The following CADM2 variants were observed in gnomAD, a reference collection of about 807,000 sequenced individuals.
CADM2 encodes the protein immunoglobulin superfamily member 4D.
A neutral mutation model predicts 49.8 loss-of-function variants in CADM2; 12 were observed. The observed-to-expected ratio is 0.24, with a 90% CI of 0.15 to 0.39. The LOEUF (loss-of-function observed/expected upper bound fraction) is 0.39, where lower values mean the gene tolerates loss of function less well. Among genes scored for constraint, CADM2 ranks in the 10% least tolerant of loss-of-function variants. CADM2 has a pLI of 1.00. For synonymous variants in CADM2, 214 were observed against 175.4 expected, an observed-to-expected ratio of 1.22 and a Z score of -1.74; for missense variants, 378 against 492.3, an observed-to-expected ratio of 0.77 and a Z score of 2.20.
intron 1 of CADM2, among the ~76,000 whole-genome samples, chr3:85,510,895 GTAAT>G (rs1559877889): frequency 1.5e-4 from 15 of 99,002 alleles, no homozygotes; most frequent in Non-Finnish European, 3.2e-4. Flanking sequence ...TTAAAAATAA[GTAAT>G]GTAATGAGGG....
chr3:85,228,799 T>C (rs1035098095), intron 1 of CADM2, among the ~76,000 whole-genome samples: 1 of 151,976 alleles, frequency 6.6e-6, no homozygotes, highest in African/African-American at 2.4e-5. Flanking sequence ...TACACAGGGG[T>C]CAGGGACCCA....
At chr3:85,935,619 A>G (rs1721113877) in intron 6 of CADM2, 148 bp from the exon 7 acceptor site, 1 of 407,256 alleles carries the variant, frequency 2.5e-6, no homozygotes, top group Admixed American at 4.3e-5. Flanking sequence ...CACACACCTT[A>G]TTTTACCAAA....
intron 6 of CADM2, among the ~76,000 whole-genome samples, chr3:85,920,227 T>C (rs949845223): frequency 1.3e-5 from 2 of 151,872 alleles, no homozygotes; most frequent in Non-Finnish European, 3.0e-5. Flanking sequence ...TGGCATCTCA[T>C]TTATGAAATG....
intron 1 of CADM2, among the ~76,000 whole-genome samples, chr3:85,140,908 G>C (rs1283141326): frequency 6.6e-6 from 1 of 152,108 alleles, no homozygotes; most frequent in African/African-American, 2.4e-5. Flanking sequence ...CCTTAGGGTG[G>C]GGAACCCAGA....
chr3:85,490,899 A>T (rs1298412162), intron 1 of CADM2, among the ~76,000 whole-genome samples: 1 of 152,154 alleles, frequency 6.6e-6, no homozygotes, highest in African/African-American at 2.4e-5. Flanking sequence ...CCTGTAGAAT[A>T]AAAAATAAGA....
At chr3:85,190,263 C>T (rs2107722766) in intron 1 of CADM2, among the ~76,000 whole-genome samples, 1 of 152,188 alleles carries the variant, frequency 6.6e-6, no homozygotes, top group South Asian at 2.1e-4. Flanking sequence ...ATAGGATGTG[C>T]TTGTTCACTT....
chr3:85,212,598 T>G, intron 1 of CADM2, among the ~76,000 whole-genome samples: 1 of 152,068 alleles, frequency 6.6e-6, no homozygotes, highest in East Asian at 1.9e-4. Flanking sequence ...TAACTTCATC[T>G]CACACTTCTA....
intron 1 of CADM2, among the ~76,000 whole-genome samples, chr3:85,403,193 T>G (rs150731554): frequency 6.6e-6 from 1 of 152,268 alleles, no homozygotes; most frequent in East Asian, 1.9e-4. Context: ...TAACTATCCC[T>G]CTCATGATGA....
intron 3 of CADM2, among the ~76,000 whole-genome samples, chr3:85,847,234 C>T (rs559930152): frequency 6.6e-5 from 10 of 152,246 alleles, no homozygotes; most frequent in South Asian, 4.1e-4. Flanking sequence ...CACTAAGAGG[C>T]TTTTTATCCA....
At chr3:85,014,911 G>A (rs2034186073) in intron 1 of CADM2, among the ~76,000 whole-genome samples, 1 of 152,124 alleles carries the variant, frequency 6.6e-6, no homozygotes, top group Non-Finnish European at 1.5e-5. Flanking sequence ...GAGACATTTT[G>A]GTGCCTGCCT....
chr3:85,603,304 G>A (rs1337719242), intron 1 of CADM2, among the ~76,000 whole-genome samples: 1 of 151,866 alleles, frequency 6.6e-6, no homozygotes, highest in Non-Finnish European at 1.5e-5. Flanking sequence ...TTTTGAAGGG[G>A]AGAAGGGATA....
Position 85,347,377 on chromosome 3 carries a change from T to G in CADM2, c.62-379145T>G, listed in dbSNP as rs1466340360. ...TAAAAAAGTGATCACGTATGTATAA[T>G]TTTAAGGACAATATTGTACTTTTTA... On this transcript the variant is annotated intron_variant, in intron 1 of 9. Transcript: ENST00000383699. Among the ~76,000 whole-genome samples the G allele has an allele frequency of 1.9e-4, 28 of 149,834 alleles. No individual in the cohort carries two copies. In the Admixed American group the frequency reaches 1.9e-3, roughly 10 times the overall value.
chr3:85,794,939 G>T (rs1577326754), intron 2 of CADM2, among the ~76,000 whole-genome samples: 1 of 152,104 alleles, frequency 6.6e-6, no homozygotes, highest in African/African-American at 2.4e-5. Flanking sequence ...TTAAGGCCAA[G>T]ATTTTTAAAT....
At chr3:85,025,371 C>G (rs1000542443) in intron 1 of CADM2, among the ~76,000 whole-genome samples, 1 of 152,100 alleles carries the variant, frequency 6.6e-6, no homozygotes, top group Non-Finnish European at 1.5e-5. Context: ...TGGGTATACA[C>G]TTTATTTAAG....
At chr3:85,510,153 G>T (rs1322529552) in intron 1 of CADM2, among the ~76,000 whole-genome samples, 2 of 152,124 alleles carry the variant, frequency 1.3e-5, no homozygotes, top group Middle Eastern at 3.4e-3. Context: ...CAAAATTGTG[G>T]TAGAAAATAA....
intron 8 of CADM2, among the ~76,000 whole-genome samples, chr3:85,969,998 C>A: frequency 6.9e-6 from 1 of 144,932 alleles, no homozygotes; most frequent in Non-Finnish European, 1.5e-5. Context: ...CACTCATACA[C>A]TCACACACAC....
At chr3:85,888,089 C>T (rs1398971800) in intron 5 of CADM2, among the ~76,000 whole-genome samples, 7 of 152,086 alleles carry the variant, frequency 4.6e-5, no homozygotes, top group Admixed American at 4.6e-4. Context: ...GTTTTTTCTT[C>T]CTAAATTCTG....
At chr3:85,864,446 G>T (rs545244195) in intron 3 of CADM2, among the ~76,000 whole-genome samples, 3 of 152,168 alleles carry the variant, frequency 2.0e-5, no homozygotes, top group African/African-American at 7.2e-5. Context: ...GAAATTTACA[G>T]CAATTATTTA....
At chr3:85,711,328 T>C (rs1401781400) in intron 1 of CADM2, among the ~76,000 whole-genome samples, 1 of 152,114 alleles carries the variant, frequency 6.6e-6, no homozygotes. Context: ...GAAAATCGCT[T>C]TTGTCCCCTA....
Sources: gnomAD v4.1 joint callset for allele counts (sites outside exome capture counted in the v4.1 genomes callset) on GRCh38, gnomAD v4.1.1 for gene constraint, MANE v1.5 for transcripts, NCBI Gene and HGNC (gene_info 2026-07-23, HGNC 2026-07-21) for gene names.